ATM: variants seen among roughly 807,000 people sequenced by gnomAD.
The protein encoded by ATM is serine-protein kinase ATM.
Under a neutral mutation model 387.0 loss-of-function variants are expected in ATM, and 308 were observed. The observed-to-expected ratio is 0.80, with a 90% CI of 0.73 to 0.87. ATM has a LOEUF of 0.87. Among genes scored for constraint, ATM ranks in the 40% least tolerant of loss-of-function variants. ATM has a pLI of 0.00. For synonymous variants in ATM, 1,156 were observed against 1,187.3 expected, an observed-to-expected ratio of 0.97 and a Z score of 0.54; for missense variants, 3,312 against 3,560.9, an observed-to-expected ratio of 0.93 and a Z score of 1.78.
intron 52 of ATM, 99 bp downstream of exon 52, chr11:108,332,136 A>G: frequency 1.3e-6 from 2 of 1,485,534 alleles, no homozygotes; most frequent in Non-Finnish European, 1.8e-6. Flanking sequence ...TGCCATCTAA[A>G]ATCGGTTCAA....
At chr11:108,300,595 A>C (rs747786398) in intron 34 of ATM, among the ~76,000 whole-genome samples, 3 of 152,196 alleles carry the variant, frequency 2.0e-5, no homozygotes, top group Non-Finnish European at 2.9e-5. Flanking sequence ...CTTGAGGAAT[A>C]AATGATTGGC....
intron 10 of ATM, 78 bp from the exon 11 acceptor site, chr11:108,251,759 C>T (rs2080157395): frequency 1.5e-6 from 2 of 1,363,038 alleles, no homozygotes; most frequent in Admixed American, 1.7e-5. Flanking sequence ...AATGTATGTG[C>T]CAGGCACTGT....
In ATM at chr11:108,256,211, T is replaced by G. The variant is rs1064795623; in HGVS notation, c.2125-4T>G. The G allele has an allele frequency of 1.2e-6, 2 of 1,601,436 alleles. No homozygotes were observed. The highest frequency in any genetic ancestry group is 8.5e-7 in the Non-Finnish European group (1 of 1,171,962). On this transcript the variant is annotated splice_region_variant and splice_polypyrimidine_tract_variant and intron_variant, in intron 13 of 62. Transcript: ENST00000675843. Reference sequence around the variant, plus strand: ...ATATATTTTTATTTGTGGTTTACTTTAAGATTACAAATTCAGAAACTCTTG... The same window carrying G: ...ATATATTTTTATTTGTGGTTTACTTGAAGATTACAAATTCAGAAACTCTTG...
At position 108,301,686 on chromosome 11, in the gene ATM, A is replaced by G; in HGVS notation, c.5216A>G (p.Asn1739Ser). 6.2e-7 allele frequency: 1 copy of G among 1,613,720 alleles called. No homozygotes were observed. Among genetic ancestry groups the G allele is most frequent in the Non-Finnish European group, 8.5e-7 (1 of 1,179,782 alleles). Reference sequence around the variant, plus strand: ...TCAGCAGCTGTTACCTGTTTGAAAAACATTTTAGCCACAAAGACTGGACAT... The same window carrying G: ...TCAGCAGCTGTTACCTGTTTGAAAAGCATTTTAGCCACAAAGACTGGACAT... The part of the protein sequence containing the change: ...VRSAAVTCLK[N>S]ILATKTGHSF... Residue 1739 changes from asparagine (N) to serine (S), a missense_variant, in exon 35 of 63, where the codon AAC becomes AGC. Asn to Ser is a conservative substitution (Grantham distance 46, BLOSUM62 1). Coordinates refer to ENST00000675843, the MANE Select transcript of ATM (RefSeq NM_000051.4).
intron 40 of ATM, 31 bp from the exon 41 acceptor site, chr11:108,315,792 T>A (rs774489456): frequency 6.4e-7 from 1 of 1,562,852 alleles, no homozygotes; most frequent in Non-Finnish European, 8.8e-7. Flanking sequence ...TTTTTTTCCT[T>A]CTTCAATTTT....
chr11:108,244,931 A>G lies in ATM; in HGVS notation c.806A>G (p.His269Arg), dbSNP rs1565371740. 1.9e-6 allele frequency: 3 copies of G among 1,613,472 alleles called. No homozygotes were observed. The highest frequency in any genetic ancestry group is 2.5e-6 in the Non-Finnish European group (3 of 1,179,650). Residue 269 changes from histidine (H) to arginine (R), a missense_variant, in exon 7 of 63, where the codon CAT (histidine) becomes CGT (arginine). By Grantham distance (29) the His-to-Arg change is conservative. Coordinates refer to ENST00000675843, the MANE Select transcript of ATM (RefSeq NM_000051.4). The part of the protein sequence containing the change: ...LPTLLYIWTQ[H>R]RLNDSLKEVI... Reference sequence around the variant, plus strand: ...ACTTTGCTTTATATTTGGACTCAACATAGGCTTAATGATTCTTTAAAAGAA... The same window carrying G: ...ACTTTGCTTTATATTTGGACTCAACGTAGGCTTAATGATTCTTTAAAAGAA...
At chr11:108,273,190 T>C (rs996534823) in intron 22 of ATM, among the ~76,000 whole-genome samples, 2 of 152,144 alleles carry the variant, frequency 1.3e-5, no homozygotes, top group African/African-American at 2.4e-5. Flanking sequence ...TGTGAGTTTA[T>C]GAAATGATAA....
intron 33 of ATM, among the ~76,000 whole-genome samples, chr11:108,298,899 C>T (rs1591698321): frequency 6.6e-6 from 1 of 152,226 alleles, no homozygotes; most frequent in Non-Finnish European, 1.5e-5. Context: ...TAGCAGTGCA[C>T]AATCCAGAAA....
rs528477876 is a variant in ATM at position 108,300,524 on chromosome 11, A to C, written c.5177+639A>C. 2.6e-5 allele frequency among the ~76,000 whole-genome samples: 4 copies of C among 152,332 alleles called. No individual in the cohort carries two copies. In the East Asian group the frequency reaches 7.7e-4, roughly 29 times the overall value. On this transcript the variant is annotated intron_variant, in intron 34 of 62. Transcript: ENST00000675843. ...GCCTCAAAGGGTTTTCCTCACAACC[A>C]GGCACCTTTCTAAGATAAATACGTG...
intron 56 of ATM, among the ~76,000 whole-genome samples, chr11:108,340,768 A>G (rs367647342): frequency 2.0e-5 from 3 of 152,318 alleles, no homozygotes; most frequent in East Asian, 3.9e-4. Flanking sequence ...CAAGTCCCTT[A>G]TATACAGTGG....
At chr11:108,236,441 G>A (rs1428904898) in intron 5 of ATM, 1 of 155,668 alleles carries the variant, frequency 6.4e-6, no homozygotes, top group Non-Finnish European at 1.4e-5. Flanking sequence ...GCTGAGGCAG[G>A]AGGATCACCT....
intron 56 of ATM, among the ~76,000 whole-genome samples, chr11:108,337,974 T>A (rs2087039040): frequency 6.6e-6 from 1 of 152,234 alleles, no homozygotes; most frequent in Non-Finnish European, 1.5e-5. Flanking sequence ...AAAGCAGAAA[T>A]TACTGAACTT....
At chr11:108,272,884 A>G (rs200735250) in intron 22 of ATM, 32 bp downstream of exon 22, 1 of 1,613,412 alleles carries the variant, frequency 6.2e-7, no homozygotes, top group Non-Finnish European at 8.5e-7. Context: ...AAGTATTTGG[A>G]ATGCTGCAGA....
chr11:108,235,521 C>T, intron 4 of ATM, 149 bp from the exon 5 acceptor site: 2 of 684,538 alleles, frequency 2.9e-6, no homozygotes, highest in Non-Finnish European at 4.9e-6. Context: ...ATGAATTTTG[C>T]TTGGGGCCAT....
chr11:108,277,240 C>T (rs935408725), intron 22 of ATM, among the ~76,000 whole-genome samples: 1 of 152,112 alleles, frequency 6.6e-6, no homozygotes, highest in African/African-American at 2.4e-5. Flanking sequence ...TGTCCCAGGT[C>T]GACTTCAGAC....
chr11:108,271,615 C>G lies in ATM; in HGVS notation c.3077+209C>G, dbSNP rs184668394. On this transcript the variant is annotated intron_variant, in intron 20 of 62. Transcript: ENST00000675843. The stretch of plus-strand genomic sequence containing the variant: ...AGGCTTGGCTTTCTAAACCGTTTAA[C>G]TCATTTCTCTGCAAATTTTGAATCA... Among the ~76,000 whole-genome samples, 441 of 152,318 alleles carry G rather than the reference C, an allele frequency of 2.9e-3. 1 individual carries two copies. Among genetic ancestry groups the G allele is most frequent in the African/African-American group, 0.01 (419 of 41,566 alleles).
intron 40 of ATM, among the ~76,000 whole-genome samples, chr11:108,314,728 C>T (rs952704705): frequency 1.3e-5 from 2 of 151,968 alleles, no homozygotes; most frequent in Non-Finnish European, 2.9e-5. Context: ...TGACCAGAAG[C>T]CCTACCGATG....
Position 108,335,969 on chromosome 11 carries a change from T to A in ATM, c.8268+8T>A, listed in dbSNP as rs1263247290. ...ACTATCTGTACTTATAAGGTAACTA[T>A]TTGTACTTCTGTTAGTTCACCAAAA... On this transcript the variant is annotated splice_region_variant and intron_variant, in intron 56 of 62. Transcript: ENST00000675843. The A allele has an allele frequency of 1.3e-6, 2 of 1,591,126 alleles. No individual in the cohort carries two copies. Among genetic ancestry groups the A allele is most frequent in the African/African-American group, 2.7e-5 (2 of 74,400 alleles).
chr11:108,250,692 T>TG lies in ATM; in HGVS notation c.1236-9_1236-8insG, dbSNP rs863224290. The TG allele has an allele frequency of 6.3e-7, 1 of 1,598,902 alleles. No homozygotes were observed. Among genetic ancestry groups the TG allele is most frequent in the Non-Finnish European group, 8.5e-7 (1 of 1,178,560 alleles). On this transcript the variant is annotated splice_polypyrimidine_tract_variant and intron_variant, in intron 9 of 62. Transcript: ENST00000675843. ...TAGTTTTCAAATTATCCTTTTTTTTTTTTTTTAGGCTACAGATTGCAACCC... is the reference window on the plus strand; with the variant it reads ...TAGTTTTCAAATTATCCTTTTTTTTTGTTTTTTAGGCTACAGATTGCAACCC...
Sources: allele counts gnomAD v4.1 joint callset (sites outside exome capture counted in the v4.1 genomes callset), GRCh38; gene constraint gnomAD v4.1.1; transcripts MANE v1.5; gene names NCBI Gene and HGNC (gene_info 2026-07-23, HGNC 2026-07-21).